The following TTC28 variants were observed in gnomAD, a reference collection of about 807,000 sequenced individuals.
TTC28 encodes tetratricopeptide repeat domain 28, also known as tetratricopeptide repeat protein 28.
Under a neutral mutation model 198.0 loss-of-function variants are expected in TTC28, and 61 were observed. That is an observed-to-expected ratio of 0.31 (90% CI 0.25 to 0.38). TTC28 has a LOEUF of 0.38. Among genes scored for constraint, TTC28 ranks in the 10% least tolerant of loss-of-function variants. The pLI is 1.00. For missense variants in TTC28, 2,678 were observed against 3,164.0 expected, an observed-to-expected ratio of 0.85 and a Z score of 3.69; for synonymous variants, 1,171 against 1,297.8, an observed-to-expected ratio of 0.90 and a Z score of 2.10.
intron 6 of TTC28, among the ~76,000 whole-genome samples, chr22:28,125,069 T>C (rs540806729): frequency 4.6e-5 from 7 of 152,218 alleles, no homozygotes; most frequent in Admixed American, 2.6e-4. Context: ...TACATATACC[T>C]TTCCTCCAAA....
intron 2 of TTC28, among the ~76,000 whole-genome samples, chr22:28,625,031 A>G (rs1369176438): frequency 6.6e-6 from 1 of 152,136 alleles, no homozygotes; most frequent in Non-Finnish European, 1.5e-5. Context: ...AAAAATAGAC[A>G]AAATTTGACA....
In TTC28 at chr22:28,341,851, C is replaced by T. The variant is rs544774635; in HGVS notation, c.382-35208G>A. ...AAAATTAGCCAAACATGGAGGTGTA[C>T]GCCTGTAGATGCAGCTACTTGAAAG... On this transcript the variant is annotated intron_variant, in intron 2 of 22. Coordinates refer to ENST00000397906, the MANE Select transcript of TTC28 (RefSeq NM_001145418.2). 3.3e-4 allele frequency among the ~76,000 whole-genome samples: 50 copies of T among 151,590 alleles called. 2 individuals are homozygous for T. The highest frequency in any genetic ancestry group is 1.0e-3 in the African/African-American group (42 of 41,340).
intron 2 of TTC28, among the ~76,000 whole-genome samples, chr22:28,485,795 A>C (rs147739322): frequency 1.2e-4 from 19 of 152,302 alleles, no homozygotes; most frequent in African/African-American, 4.6e-4. Flanking sequence ...GTAACAAACT[A>C]CTCAAGCCAT....
chr22:27,981,878 C>T lies in TTC28; in HGVS notation c.*343G>A. On this transcript the variant is annotated 3_prime_UTR_variant, in exon 23 of 23. Transcript: ENST00000397906. ...AAATATGTGCTCCCTTTCCTCTCCC[C>T]ACCCCAGAACCATGATCATTTTTGT... The T allele has an allele frequency of 4.1e-6, 1 of 241,046 alleles. No homozygotes were observed. Among genetic ancestry groups the T allele is most frequent in the Non-Finnish European group, 7.9e-6 (1 of 126,854 alleles). The allele number at this position is 241,046 out of a possible 1,614,324, so 14.9% of individuals were successfully genotyped here. A position where few individuals can be genotyped will look rare whatever the true frequency, so the allele number is the denominator to read the frequency against.
intron 5 of TTC28, among the ~76,000 whole-genome samples, chr22:28,256,325 A>G (rs1930914057): frequency 6.9e-6 from 1 of 144,094 alleles, no homozygotes; most frequent in South Asian, 2.1e-4. Context: ...GGAGGCTGAG[A>G]CAGGAGAATT....
chr22:28,651,743 A>G lies in TTC28; in HGVS notation c.103-21913T>C, dbSNP rs556408413. ...ACCCTCCTGACCTCTCTTAAACATAAAAAAGTTTTTCTGATCCCTTAATTA... is the reference window on the plus strand; with the variant it reads ...ACCCTCCTGACCTCTCTTAAACATAGAAAAGTTTTTCTGATCCCTTAATTA... On this transcript the variant is annotated intron_variant, in intron 1 of 22. Coordinates refer to ENST00000397906, the MANE Select transcript of TTC28 (RefSeq NM_001145418.2). Among the ~76,000 whole-genome samples the G allele has an allele frequency of 3.3e-5, 5 of 150,892 alleles. No individual in the cohort carries two copies. In the East Asian group the frequency reaches 1.0e-3, roughly 30 times the overall value.
rs553624259 is a variant in TTC28, at chr22:27,999,000, C to A, written c.4659G>T (p.Leu1553=). 1 of 1,550,556 alleles carries A rather than the reference C, an allele frequency of 6.4e-7. No individual in the cohort carries two copies. Among genetic ancestry groups the A allele is most frequent in the South Asian group, 1.2e-5 (1 of 84,062 alleles). The change falls in exon 16 of 23, where the codon CTG becomes CTT. Residue 1553 remains leucine, a synonymous_variant. Transcript: ENST00000397906. ...TGCTGGGCGTGAGGACCAAGGCCGA[C>A]AGCTTCCAGGAGATGTGGGTGGCAA... ...VHFATHISWK[L]SALVLTPSMD...
intron 5 of TTC28, among the ~76,000 whole-genome samples, chr22:28,192,313 G>A (rs1478480880): frequency 1.3e-5 from 2 of 151,816 alleles, no homozygotes; most frequent in Non-Finnish European, 2.9e-5. Context: ...AAAGACCAAA[G>A]GTAGATAAAA....
At position 28,097,278 on chromosome 22, in the gene TTC28, T is replaced by C. The variant is rs1256702492; in HGVS notation, c.3548-870A>G. Among the ~76,000 whole-genome samples, 4 of 152,330 alleles carry C rather than the reference T, an allele frequency of 2.6e-5. No individual in the cohort carries two copies. In the East Asian group the frequency reaches 7.7e-4, roughly 29 times the overall value. ...TCCTGCCTATCGCAAAGGGCTATTT[T>C]AAAGATTAAATGAAGCACTACATGT... On this transcript the variant is annotated intron_variant, in intron 10 of 22. Transcript: ENST00000397906.
At chr22:28,144,416 C>T (rs1943411846) in intron 6 of TTC28, among the ~76,000 whole-genome samples, 1 of 152,182 alleles carries the variant, frequency 6.6e-6, no homozygotes, top group South Asian at 2.1e-4. Context: ...TCTTTCAAAA[C>T]TATAATTGGA....
chr22:28,038,322 T>C (rs1279677686), intron 12 of TTC28, among the ~76,000 whole-genome samples: 15 of 152,266 alleles, frequency 9.9e-5, no homozygotes, highest in South Asian at 2.1e-4. Flanking sequence ...AAAACAGAGA[T>C]ATAGACCAAT....
At chr22:27,989,560 C>T (rs551777358) in intron 21 of TTC28, among the ~76,000 whole-genome samples, 45 of 152,186 alleles carry the variant, frequency 3.0e-4, no homozygotes. Context: ...GATCCTCTGC[C>T]TCAGTCCTCC....
intron 2 of TTC28, among the ~76,000 whole-genome samples, chr22:28,588,461 G>A (rs764396073): frequency 7.2e-5 from 11 of 152,122 alleles, no homozygotes; most frequent in Non-Finnish European, 1.5e-4. Context: ...GGTTGCAGGA[G>A]AATCAACTAT....
chr22:28,570,516 AG>A, intron 2 of TTC28, among the ~76,000 whole-genome samples: 1 of 151,386 alleles, frequency 6.6e-6, no homozygotes, highest in South Asian at 2.1e-4. Flanking sequence ...ATGAACACAA[AG>A]AAGGGAACAA....
rs968455761 is a variant in TTC28, at chr22:28,535,544, T to C, written c.381+94008A>G. The stretch of plus-strand genomic sequence containing the variant: ...TTCATTGCTAAATTGTGTTCCATTA[T>C]ACATATATACCACAATGTATCTATT... On this transcript the variant is annotated intron_variant, in intron 2 of 22. Transcript: ENST00000397906. Among the ~76,000 whole-genome samples the C allele has an allele frequency of 3.9e-5, 6 of 152,348 alleles. No homozygotes were observed. The East Asian group carries it at 1.2e-3, about 29-fold the overall frequency.
chr22:28,244,010 T>C (rs1019986466), intron 5 of TTC28, among the ~76,000 whole-genome samples: 1 of 152,178 alleles, frequency 6.6e-6, no homozygotes, highest in Non-Finnish European at 1.5e-5. Context: ...GGAAAATAAA[T>C]TATACATATT....
At chr22:28,041,647 C>T (rs143880964) in intron 12 of TTC28, among the ~76,000 whole-genome samples, 10,491 of 152,214 alleles carry the variant, frequency 0.069, 425 homozygotes, top group South Asian at 0.09. Context: ...AAAACCTAGG[C>T]AATACCATTC....
chr22:28,608,303 A>G (rs1362293108), intron 2 of TTC28, among the ~76,000 whole-genome samples: 2 of 152,004 alleles, frequency 1.3e-5, no homozygotes, highest in African/African-American at 4.8e-5. Flanking sequence ...TCTTCAAAAT[A>G]CCCCACCCCC....
chr22:28,052,406 G>A (rs941386304), intron 12 of TTC28, among the ~76,000 whole-genome samples: 3 of 152,058 alleles, frequency 2.0e-5, no homozygotes, highest in African/African-American at 4.8e-5. Context: ...ACAAAGCTCC[G>A]CAAGATTCAG....
Sources: allele counts gnomAD v4.1 joint callset (sites outside exome capture counted in the v4.1 genomes callset), GRCh38; gene constraint gnomAD v4.1.1; transcripts MANE v1.5; gene names NCBI Gene and HGNC (gene_info 2026-07-23, HGNC 2026-07-21).